Variants in DGKB observed in about 807,000 individuals in gnomAD.
DGKB encodes diacylglycerol kinase beta, also known as 90 kDa diacylglycerol kinase.
Under a neutral mutation model 114.3 loss-of-function variants are expected in DGKB, and 67 were observed. The observed-to-expected ratio is 0.59, with a 90% CI of 0.48 to 0.72. The LOEUF (loss-of-function observed/expected upper bound fraction) is 0.72. Ranked by LOEUF, DGKB falls within the 30% of genes least tolerant of loss-of-function variation. The pLI is 0.00. For synonymous variants in DGKB, 398 were observed against 323.1 expected (o/e 1.23, Z -2.49); for missense variants, 907 against 975.2 (o/e 0.93, Z 0.93).
rs543256137 is a variant in DGKB, at chr7:14,762,119, C to A, written c.71-4388G>T. 2.0e-5 allele frequency among the ~76,000 whole-genome samples: 3 copies of A among 152,244 alleles called. 1 individual carries two copies. In the South Asian group the frequency reaches 6.2e-4, roughly 32 times the overall value. Reference sequence around the variant, plus strand: ...ACTATACCAATAACTACAGCTGAGACAATGGGCTGTCTTTTTCATCACTGT... The same window carrying A: ...ACTATACCAATAACTACAGCTGAGAAAATGGGCTGTCTTTTTCATCACTGT... On this transcript the variant is annotated intron_variant, in intron 2 of 25. Transcript: ENST00000402815.
intron 4 of DGKB, among the ~76,000 whole-genome samples, chr7:14,748,675 A>T (rs1833709341): frequency 6.6e-6 from 1 of 152,174 alleles, no homozygotes; most frequent in South Asian, 2.1e-4. Flanking sequence ...TATAGCTTTA[A>T]TGTGGAGTGA....
chr7:14,854,019 C>A (rs1301057210), intron 1 of DGKB, among the ~76,000 whole-genome samples: 1 of 152,088 alleles, frequency 6.6e-6, no homozygotes, highest in Non-Finnish European at 1.5e-5. Flanking sequence ...GACTCATTAG[C>A]AGTAAGCTCC....
At chr7:14,772,573 T>C (rs1193787031) in intron 2 of DGKB, among the ~76,000 whole-genome samples, 1 of 152,184 alleles carries the variant, frequency 6.6e-6, no homozygotes, top group Non-Finnish European at 1.5e-5. Flanking sequence ...TGAAAATCTT[T>C]AAAGTTTAGA....
At chr7:14,555,050 T>A (rs12537383) in intron 20 of DGKB, among the ~76,000 whole-genome samples, 5,795 of 152,278 alleles carry the variant, frequency 0.038, 205 homozygotes, top group East Asian at 0.2. Flanking sequence ...ATGATAGCAA[T>A]TTACTTCTAT....
intron 25 of DGKB, among the ~76,000 whole-genome samples, chr7:14,171,827 G>A (rs1472743952): frequency 5.9e-5 from 9 of 152,162 alleles, no homozygotes; most frequent in Non-Finnish European, 1.0e-4. Flanking sequence ...AATTCAAAGT[G>A]CATTTGGTAT....
At chr7:14,279,153 C>A (rs953692794) in intron 23 of DGKB, among the ~76,000 whole-genome samples, 2 of 152,194 alleles carry the variant, frequency 1.3e-5, no homozygotes, top group African/African-American at 4.8e-5. Flanking sequence ...CACTCCCACC[C>A]GAATACTGCG....
chr7:14,386,060 T>G (rs1168087225), intron 21 of DGKB, among the ~76,000 whole-genome samples: 2 of 152,240 alleles, frequency 1.3e-5, no homozygotes, highest in African/African-American at 4.8e-5. Flanking sequence ...AAGTAATGGT[T>G]GTGGGACTTG....
chr7:14,636,090 AT>A (rs1443240986), intron 13 of DGKB, among the ~76,000 whole-genome samples: 5 of 151,742 alleles, frequency 3.3e-5, no homozygotes, highest in African/African-American at 9.7e-5. Flanking sequence ...CATTGATCTC[AT>A]GCCAAAGTAT....
intron 1 of DGKB, among the ~76,000 whole-genome samples, chr7:14,968,910 C>T (rs556254398): frequency 1.1e-4 from 17 of 152,178 alleles, no homozygotes; most frequent in African/African-American, 4.1e-4. Context: ...TTATTTTGGG[C>T]TTTTTCTTAC....
intron 1 of DGKB, among the ~76,000 whole-genome samples, chr7:14,885,588 T>C (rs1215528214): frequency 1.3e-5 from 2 of 151,894 alleles, no homozygotes; most frequent in Admixed American, 6.6e-5. Context: ...CATTAAGCGA[T>C]TAAACGTGCC....
chr7:14,317,035 A>G (rs1030630464), intron 23 of DGKB, among the ~76,000 whole-genome samples: 2 of 56,796 alleles, frequency 3.5e-5, no homozygotes, highest in African/African-American at 1.2e-4. Context: ...GACAAAAACC[A>G]CATGATTATC....
chr7:14,850,119 A>G (rs2128157039), intron 1 of DGKB, among the ~76,000 whole-genome samples: 1 of 152,346 alleles, frequency 6.6e-6, no homozygotes, highest in South Asian at 2.1e-4. Context: ...AAAGTTTCTG[A>G]GCAATTAAAT....
At chr7:14,581,714 G>A (rs924568766) in intron 18 of DGKB, among the ~76,000 whole-genome samples, 1 of 152,118 alleles carries the variant, frequency 6.6e-6, no homozygotes, top group African/African-American at 2.4e-5. Context: ...TATGTGTGTA[G>A]GGATAGAGGG....
At chr7:14,814,994 C>A (rs944771211) in intron 2 of DGKB, among the ~76,000 whole-genome samples, 1 of 151,986 alleles carries the variant, frequency 6.6e-6, no homozygotes, top group East Asian at 1.9e-4. Flanking sequence ...CTTCTTTTTT[C>A]TAATAGTTAA....
At chr7:14,487,590 T>G (rs1784009590) in intron 20 of DGKB, among the ~76,000 whole-genome samples, 1 of 150,282 alleles carries the variant, frequency 6.7e-6, no homozygotes, top group Admixed American at 6.7e-5. Flanking sequence ...TTCCTTTTTT[T>G]TTTTTTTTTT....
intron 19 of DGKB, among the ~76,000 whole-genome samples, chr7:14,578,430 T>A (rs1799474144): frequency 6.6e-6 from 1 of 152,232 alleles, no homozygotes; most frequent in Non-Finnish European, 1.5e-5. Flanking sequence ...TTAAGTAACT[T>A]GCTCAAAGTT....
At chr7:14,749,431 C>G (rs922640167) in intron 4 of DGKB, among the ~76,000 whole-genome samples, 1 of 152,010 alleles carries the variant, frequency 6.6e-6, no homozygotes, top group African/African-American at 2.4e-5. Flanking sequence ...TTACCTAAGA[C>G]TAGAATTATG....
At chr7:14,249,099 G>A (rs983384613) in intron 23 of DGKB, among the ~76,000 whole-genome samples, 1 of 152,044 alleles carries the variant, frequency 6.6e-6, no homozygotes, top group Non-Finnish European at 1.5e-5. Context: ...CTATTTAGGG[G>A]ATCACATGGT....
At chr7:14,850,873 C>G (rs1481372772) in intron 1 of DGKB, among the ~76,000 whole-genome samples, 1 of 152,110 alleles carries the variant, frequency 6.6e-6, no homozygotes, top group Non-Finnish European at 1.5e-5. Flanking sequence ...TTAGATAGAC[C>G]TGCATCCTCA....
Sources: allele counts gnomAD v4.1 joint callset (sites outside exome capture counted in the v4.1 genomes callset), GRCh38; gene constraint gnomAD v4.1.1; transcripts MANE v1.5; gene names NCBI Gene and HGNC (gene_info 2026-07-23, HGNC 2026-07-21).